The following SAMD5 variants were observed in gnomAD, a reference collection of about 807,000 sequenced individuals.
The protein encoded by SAMD5 is sterile alpha motif domain-containing protein 5.
In SAMD5, 13 loss-of-function variants were observed where a neutral mutation model predicts 11.3. The ratio of observed to expected loss-of-function variants is 1.15; its 90% CI spans 0.75 to 1.83. SAMD5 has a LOEUF of 1.83. SAMD5 is among the 40% of genes most tolerant of loss of function. SAMD5 has a pLI of 0.00. For missense variants in SAMD5, 255 were observed against 239.1 expected (o/e 1.07, Z -0.44); for synonymous variants, 129 against 111.3 (o/e 1.16, Z -1.00).
the SAMD5 span, among the ~76,000 whole-genome samples, chr6:147,938,348 C>T: frequency 6.6e-5 from 10 of 152,190 alleles, no homozygotes; most frequent in Non-Finnish European, 1.3e-4. Flanking sequence ...AGATAACACT[C>T]CTCATTTATT....
chr6:147,526,671 T>C (rs985928778), intron 1 of SAMD5, among the ~76,000 whole-genome samples: 3 of 152,244 alleles, frequency 2.0e-5, no homozygotes, highest in African/African-American at 4.8e-5. Flanking sequence ...ATACTGTCCA[T>C]TTATAAGCTT....
intron 1 of SAMD5, among the ~76,000 whole-genome samples, chr6:147,529,079 T>C (rs775429466): frequency 8.5e-5 from 13 of 152,194 alleles, no homozygotes; most frequent in Non-Finnish European, 1.9e-4. Context: ...AGTCAGAAAA[T>C]GTATGTAGAG....
At chr6:147,897,585 TG>T in the SAMD5 span, among the ~76,000 whole-genome samples, 82 of 152,244 alleles carry the variant, frequency 5.4e-4, no homozygotes, top group African/African-American at 1.9e-3. Context: ...TTGTGAGGCT[TG>T]GGGCAAATCA....
chr6:147,529,997 G>T (rs562235737), intron 1 of SAMD5, among the ~76,000 whole-genome samples: 9 of 152,186 alleles, frequency 5.9e-5, no homozygotes, highest in Non-Finnish European at 1.0e-4. Flanking sequence ...AAAATGTCAT[G>T]TGCAGTTGGG....
chr6:147,592,647 A>T (rs1341654266), intron 1 of SAMD5, among the ~76,000 whole-genome samples: 1 of 151,992 alleles, frequency 6.6e-6, no homozygotes, highest in African/African-American at 2.4e-5. Flanking sequence ...GATGGTGATG[A>T]TGATGAACAT....
the SAMD5 span, among the ~76,000 whole-genome samples, chr6:147,918,774 T>G: frequency 3.4e-5 from 5 of 147,044 alleles, no homozygotes; most frequent in East Asian, 1.0e-3. Flanking sequence ...CTCGGCTCAC[T>G]GCAACCTCTG....
At chr6:147,868,678 A>T in the SAMD5 span, among the ~76,000 whole-genome samples, 1 of 152,234 alleles carries the variant, frequency 6.6e-6, no homozygotes, top group Non-Finnish European at 1.5e-5. Flanking sequence ...CAAGTCTGTG[A>T]CAGTTATTTT....
chr6:147,616,213 C>T (rs503377), intron 1 of SAMD5, among the ~76,000 whole-genome samples: 17,305 of 65,606 alleles, frequency 0.26, 2,899 homozygotes, highest in African/African-American at 0.45. Flanking sequence ...TTCATATATA[C>T]TTCATATATA....
At chr6:147,829,057 A>G in the SAMD5 span, among the ~76,000 whole-genome samples, 3 of 152,244 alleles carry the variant, frequency 2.0e-5, no homozygotes, top group Non-Finnish European at 4.4e-5. Flanking sequence ...ACATTTGTTC[A>G]TCTAATCCTG....
At chr6:147,894,761 C>T in the SAMD5 span, among the ~76,000 whole-genome samples, 4 of 152,140 alleles carry the variant, frequency 2.6e-5, no homozygotes, top group Non-Finnish European at 4.4e-5. Flanking sequence ...GACACATACA[C>T]GATCTCACTT....
chr6:147,560,026 A>C (rs1788923186), intron 1 of SAMD5, among the ~76,000 whole-genome samples: 1 of 152,202 alleles, frequency 6.6e-6, no homozygotes, highest in Non-Finnish European at 1.5e-5. Context: ...AGACTATCTG[A>C]CTTTCTAGAC....
chr6:147,834,052 CTAGT>C, the SAMD5 span, among the ~76,000 whole-genome samples: 1 of 152,190 alleles, frequency 6.6e-6, no homozygotes, highest in African/African-American at 2.4e-5. Context: ...CATTTATAAG[CTAGT>C]TAAATTTCCC....
the SAMD5 span, among the ~76,000 whole-genome samples, chr6:147,910,420 C>T: frequency 6.6e-6 from 1 of 152,162 alleles, no homozygotes; most frequent in South Asian, 2.1e-4. Flanking sequence ...TCTGCTGCCA[C>T]CTGCTACTCT....
At chr6:147,620,697 T>C (rs1359454630) in intron 1 of SAMD5, among the ~76,000 whole-genome samples, 1 of 152,034 alleles carries the variant, frequency 6.6e-6, no homozygotes, top group East Asian at 1.9e-4. Context: ...TGAAGGCAGG[T>C]GAATTAAGTA....
intron 1 of SAMD5, among the ~76,000 whole-genome samples, chr6:147,638,101 T>TTC (rs144874164): frequency 6.6e-6 from 1 of 151,618 alleles, no homozygotes; most frequent in Non-Finnish European, 1.5e-5. Flanking sequence ...TGACTGAGTG[T>TTC]TCTCTCTCTC....
chr6:147,886,206 CAA>C, the SAMD5 span, among the ~76,000 whole-genome samples: 1 of 151,962 alleles, frequency 6.6e-6, no homozygotes, highest in Non-Finnish European at 1.5e-5. Flanking sequence ...TCTAAAAATT[CAA>C]TCTATACACT....
At chr6:147,826,526 A>ACTTTACTCCTC in the SAMD5 span, among the ~76,000 whole-genome samples, 1 of 152,110 alleles carries the variant, frequency 6.6e-6, no homozygotes, top group Non-Finnish European at 1.5e-5. Context: ...CCTCCTATAT[A>ACTTTACTCCTC]CTTTACTCCT....
intron 1 of SAMD5, among the ~76,000 whole-genome samples, chr6:147,604,515 G>A (rs1789669149): frequency 6.6e-6 from 1 of 152,178 alleles, no homozygotes; most frequent in Admixed American, 6.5e-5. Flanking sequence ...GCAGAATTGG[G>A]GAGTTTTGAA....
intron 1 of SAMD5, among the ~76,000 whole-genome samples, chr6:147,588,673 T>A (rs56347816): frequency 6.6e-6 from 1 of 152,048 alleles, no homozygotes; most frequent in Non-Finnish European, 1.5e-5. Context: ...AAATGTGTTT[T>A]TTTTTACTCT....
Sources: allele counts gnomAD v4.1 joint callset (sites outside exome capture counted in the v4.1 genomes callset), GRCh38; gene constraint gnomAD v4.1.1; transcripts MANE v1.5; gene names NCBI Gene and HGNC (gene_info 2026-07-23, HGNC 2026-07-21).